The following DSCAML1 variants were observed in gnomAD, a reference collection of about 807,000 sequenced individuals.
DSCAML1 encodes the protein DS cell adhesion molecule like 1, also known as cell adhesion molecule DSCAML1.
DSCAML1 carries 38 observed loss-of-function variants against 200.5 expected under a neutral mutation model. The ratio of observed to expected loss-of-function variants is 0.19; its 90% CI spans 0.15 to 0.25. The LOEUF is 0.25. Among genes scored for constraint, DSCAML1 ranks in the 10% least tolerant of loss-of-function variants. The probability of loss-of-function intolerance (pLI) is 1.00; values close to 1 mark genes in which losing one functional copy is unlikely to be tolerated. For missense variants in DSCAML1, 2,223 were observed against 2,858.8 expected (o/e 0.78, Z 5.07); for synonymous variants, 1,215 against 1,165.0 (o/e 1.04, Z -0.87).
rs1466701839 is a variant in DSCAML1, at chr11:117,516,734, G to C, written c.1516C>G (p.Pro506Ala). 1 of 1,612,478 alleles carries C rather than the reference G, an allele frequency of 6.2e-7. No homozygotes were observed. The highest frequency in any genetic ancestry group is 8.5e-7 in the Non-Finnish European group (1 of 1,179,088). Residue 506 changes from proline (P) to alanine (A), a missense_variant, in exon 8 of 33, where the codon CCC becomes GCC. Physicochemically the swap from Pro to Ala is conservative, Grantham distance 27. This residue lies in a region of DSCAML1 where 212 missense variants were observed against 368.0 expected (regional missense o/e 0.58). Coordinates refer to ENST00000651296, the MANE Select transcript of DSCAML1 (RefSeq NM_020693.4). This position sits in a 1 kb window ranked among gnomAD's most constrained non-coding sequence, Gnocchi z 5.7. Reference sequence around the variant, plus strand: ...ATGTTCCGCATAGCCCGGATGCTGGGTGGGCCTGGGCAGGAGTCAGAAGAG... The same window carrying C: ...ATGTTCCGCATAGCCCGGATGCTGGCTGGGCCTGGGCAGGAGTCAGAAGAG... The part of the protein sequence containing the change: ...YQARINVRGP[P>A]SIRAMRNITA...
In DSCAML1 at chr11:117,436,561, TC is replaced by T. The variant is rs549385462; in HGVS notation, c.4720+560del. ...GTGTATGTGTGCACGTGTGTATGTA[TC>T]CCCATGTGGCAGATGCAGTTAGGAA... On this transcript the variant is annotated intron_variant, in intron 26 of 32. Transcript: ENST00000651296. Among the ~76,000 whole-genome samples, 12 of 152,180 alleles carry T rather than the reference TC, an allele frequency of 7.9e-5. 1 individual carries two copies. The South Asian group carries it at 2.5e-3, about 32-fold the overall frequency.
chr11:117,512,624 G>C (rs1022745428), intron 8 of DSCAML1, among the ~76,000 whole-genome samples: 3 of 150,776 alleles, frequency 2.0e-5, no homozygotes, highest in African/African-American at 2.4e-5. Context: ...AAGGGGGAAG[G>C]TGTGCATGCA....
intron 3 of DSCAML1, among the ~76,000 whole-genome samples, chr11:117,740,145 C>T (rs1408790352): frequency 6.6e-6 from 1 of 152,180 alleles, no homozygotes; most frequent in Non-Finnish European, 1.5e-5. Context: ...GGCTGGACAA[C>T]TACCCACAGG....
At chr11:117,613,688 G>A (rs1424716568) in intron 3 of DSCAML1, among the ~76,000 whole-genome samples, 1 of 152,228 alleles carries the variant, frequency 6.6e-6, no homozygotes, top group Non-Finnish European at 1.5e-5. Context: ...TTAGGCAGGC[G>A]GGGAGGCAGG....
intron 26 of DSCAML1, 27 bp from the exon 27 acceptor site, chr11:117,435,826 G>C: frequency 1.9e-6 from 3 of 1,588,694 alleles, no homozygotes; most frequent in Non-Finnish European, 2.6e-6. Flanking sequence ...AATAGAATTA[G>C]ATGTCCCTTA....
At chr11:117,555,198 C>T (rs1236478759) in intron 3 of DSCAML1, among the ~76,000 whole-genome samples, 1 of 152,228 alleles carries the variant, frequency 6.6e-6, no homozygotes, top group Non-Finnish European at 1.5e-5. Flanking sequence ...CCACCTCTCT[C>T]ATACTATTTA....
intron 2 of DSCAML1, among the ~76,000 whole-genome samples, chr11:117,778,879 A>G (rs2055180911): frequency 6.6e-6 from 1 of 152,188 alleles, no homozygotes; most frequent in African/African-American, 2.4e-5. Flanking sequence ...TGCTCCTAAA[A>G]AGAGTCCATG....
At chr11:117,608,871 T>TATGCATTTTAAA (rs60853404) in intron 3 of DSCAML1, among the ~76,000 whole-genome samples, 152,200 of 152,220 alleles carry the variant, frequency 1, 76,090 homozygotes, top group Middle Eastern at 1. Context: ...CATTGAGCAT[T>TATGCATTTTAAA]ATATCTGCCA....
rs1027590484 is a variant in DSCAML1, at chr11:117,638,560, G to A, written c.512-106038C>T. Among the ~76,000 whole-genome samples, 8 of 151,954 alleles carry A rather than the reference G, an allele frequency of 5.3e-5. No homozygotes were observed. The East Asian group carries it at 7.7e-4, about 15-fold the overall frequency. ...CTCCAACAGCCTACCCCATTCCCCCGGCACTAATCTATTTTCTGTCTCAAT... is the reference window on the plus strand; with the variant it reads ...CTCCAACAGCCTACCCCATTCCCCCAGCACTAATCTATTTTCTGTCTCAAT... On this transcript the variant is annotated intron_variant, in intron 3 of 32. Coordinates refer to ENST00000651296, the MANE Select transcript of DSCAML1 (RefSeq NM_020693.4).
At chr11:117,732,442 T>C (rs1481443069) in intron 3 of DSCAML1, among the ~76,000 whole-genome samples, 1 of 152,150 alleles carries the variant, frequency 6.6e-6, no homozygotes, top group Non-Finnish European at 1.5e-5. Context: ...CTTTGTAACC[T>C]GAGGGTAAGA....
intron 3 of DSCAML1, among the ~76,000 whole-genome samples, chr11:117,585,040 AC>A (rs1423215533): frequency 6.6e-6 from 1 of 152,186 alleles, no homozygotes; most frequent in Non-Finnish European, 1.5e-5. Flanking sequence ...AGTCTTTGCT[AC>A]AGTCTGATTT....
Position 117,769,304 on chromosome 11 carries a change from A to T in DSCAML1, c.511+7487T>A, listed in dbSNP as rs1265766486. On this transcript the variant is annotated intron_variant, in intron 3 of 32. Coordinates refer to ENST00000651296, the MANE Select transcript of DSCAML1 (RefSeq NM_020693.4). ...TTATATATTTTATATATTTATATAT[A>T]TTTTTATATAATATATATTTTATAT... Among the ~76,000 whole-genome samples, 9 of 22,952 alleles carry T rather than the reference A, an allele frequency of 3.9e-4. 2 individuals are homozygous for T. Among genetic ancestry groups the T allele is most frequent in the East Asian group, 2.5e-3 (1 of 404 alleles). The allele number at this position is 22,952 out of a possible 152,430, so 15.1% of individuals were successfully genotyped here.
chr11:117,717,697 C>T (rs1188574138), intron 3 of DSCAML1, among the ~76,000 whole-genome samples: 6 of 152,178 alleles, frequency 3.9e-5, no homozygotes, highest in Non-Finnish European at 7.3e-5. Context: ...GTAGTGGCCA[C>T]ATTCACCCCA....
rs2047711635 is a variant in DSCAML1 at position 117,428,536 on chromosome 11, G to A, written c.5954C>T (p.Pro1985Leu). ...AGCAGGGGTGGGGCCGGGGGCTGGG[G>A]GGGCTGTGCCGGCTGGGGGGGCTGG... is the stretch of plus-strand genomic sequence containing the variant. Reference protein sequence around the residue: ...AMPAPPAGTAPPAPGPTPAEP... With the variant: ...AMPAPPAGTALPAPGPTPAEP... Residue 1985 changes from proline to leucine, a missense_variant, in exon 33 of 33, where the codon CCC becomes CTC. Transcript: ENST00000651296. 7.9e-6 allele frequency: 12 copies of A among 1,515,214 alleles called. No individual in the cohort carries two copies. Among genetic ancestry groups the A allele is most frequent in the Admixed American group, 2.0e-5 (1 of 50,352 alleles). The allele number at this position is 1,515,214 out of a possible 1,614,324, so 93.9% of individuals were successfully genotyped here.
intron 3 of DSCAML1, among the ~76,000 whole-genome samples, chr11:117,747,191 C>T (rs866832819): frequency 2.2e-4 from 33 of 152,312 alleles, no homozygotes; most frequent in African/African-American, 6.5e-4. Flanking sequence ...CTTCCTCTTG[C>T]GGCCTCTGCC....
chr11:117,563,915 T>C (rs2050707652), intron 3 of DSCAML1, among the ~76,000 whole-genome samples: 1 of 152,170 alleles, frequency 6.6e-6, no homozygotes, highest in African/African-American at 2.4e-5. Context: ...CTCTGTGGGC[T>C]TCTCTGCATC....
intron 3 of DSCAML1, among the ~76,000 whole-genome samples, chr11:117,731,323 G>C (rs931124572): frequency 6.6e-6 from 1 of 152,186 alleles, no homozygotes; most frequent in Non-Finnish European, 1.5e-5. Context: ...GAACAGGGGA[G>C]ATACTGCTTT....
intron 3 of DSCAML1, among the ~76,000 whole-genome samples, chr11:117,559,197 C>T (rs2050615417): frequency 6.6e-6 from 1 of 152,144 alleles, no homozygotes; most frequent in Non-Finnish European, 1.5e-5. Flanking sequence ...GAAACCCAGA[C>T]CCAAACCCAA....
rs575019787 is a variant in DSCAML1 at position 117,815,024 on chromosome 11, A to C, written c.-250+2366T>G. 2.6e-5 allele frequency among the ~76,000 whole-genome samples: 4 copies of C among 152,224 alleles called. No homozygotes were observed. The South Asian group carries it at 8.3e-4, about 32-fold the overall frequency. The stretch of plus-strand genomic sequence containing the variant: ...AACAAAGACCACAAGAGAATTCAGC[A>C]TGCTCCTGGCTCGGGGCCAAGCCAG... On this transcript the variant is annotated intron_variant, in intron 1 of 2. Coordinates refer to the DSCAML1 transcript ENST00000525836.
Sources: allele counts gnomAD v4.1 joint callset (sites outside exome capture counted in the v4.1 genomes callset), GRCh38; gene constraint gnomAD v4.1.1; regional missense constraint gnomAD v4.1.1; non-coding constraint Gnocchi (gnomAD v3.1); transcripts MANE v1.5; gene names NCBI Gene and HGNC (gene_info 2026-07-23, HGNC 2026-07-21).